RYR3: variants seen among roughly 807,000 people sequenced by gnomAD.
RYR3 encodes the protein brain ryanodine receptor-calcium release channel.
In RYR3, 207 loss-of-function variants were observed where a neutral mutation model predicts 584.3. The ratio of observed to expected loss-of-function variants is 0.35; its 90% CI spans 0.32 to 0.40. The LOEUF (loss-of-function observed/expected upper bound fraction) is 0.40. RYR3 is among the 10% of genes least tolerant of loss of function. The probability of loss-of-function intolerance (pLI) is 1.00; values close to 1 mark genes in which losing one functional copy is unlikely to be tolerated. For synonymous variants in RYR3, 2,416 were observed against 2,248.5 expected (o/e 1.07, Z -2.11); for missense variants, 5,616 against 6,089.2 (o/e 0.92, Z 2.59).
At chr15:33,523,948 T>C (rs1006774082) in intron 3 of RYR3, among the ~76,000 whole-genome samples, 12 of 152,132 alleles carry the variant, frequency 7.9e-5, no homozygotes, top group African/African-American at 2.7e-4. Flanking sequence ...TTAAAAGCAA[T>C]GATGCTAGAT....
chr15:33,604,525 A>G (rs1354041571), intron 18 of RYR3, among the ~76,000 whole-genome samples: 1 of 152,140 alleles, frequency 6.6e-6, no homozygotes, highest in Non-Finnish European at 1.5e-5. Context: ...TTGTATACTT[A>G]TTTATCCTGG....
At chr15:33,659,833 GC>G in intron 33 of RYR3, 27 bp downstream of exon 33, 1 of 1,453,196 alleles carries the variant, frequency 6.9e-7, no homozygotes, top group Non-Finnish European at 9.7e-7. Flanking sequence ...TCATCTAATG[GC>G]CATGACAAGA....
chr15:33,862,287 A>G (rs943036278), intron 102 of RYR3, among the ~76,000 whole-genome samples: 4 of 152,098 alleles, frequency 2.6e-5, no homozygotes, highest in Non-Finnish European at 5.9e-5. Flanking sequence ...ATCTTGGCTC[A>G]CTGCAACCTC....
intron 70 of RYR3, among the ~76,000 whole-genome samples, chr15:33,810,070 G>A (rs954636072): frequency 3.3e-5 from 5 of 152,148 alleles, no homozygotes; most frequent in African/African-American, 1.2e-4. Flanking sequence ...AAAACACAGA[G>A]CAATTATTCT....
At position 33,864,254 on chromosome 15, in the gene RYR3, G is replaced by C. The variant is rs187237654; in HGVS notation, c.14517+65G>C. 24 of 1,277,770 alleles carry C rather than the reference G, an allele frequency of 1.9e-5. No homozygotes were observed. The Admixed American group carries it at 4.8e-4, about 25-fold the overall frequency. The allele number at this position is 1,277,770 out of a possible 1,614,324, so 79.2% of individuals were successfully genotyped here. ...TTTCCTAAATCTTGAGACTTAGTAG[G>C]GCATAGGTTATCTGAAATACATACA... On this transcript the variant is annotated intron_variant, in intron 103 of 103. Coordinates refer to ENST00000634891, the MANE Select transcript of RYR3 (RefSeq NM_001036.6).
At chr15:33,814,943 G>A (rs2076735644) in intron 74 of RYR3, among the ~76,000 whole-genome samples, 1 of 148,662 alleles carries the variant, frequency 6.7e-6, no homozygotes, top group African/African-American at 2.5e-5. Context: ...GGTGGCAGGA[G>A]CCTATAATCC....
intron 94 of RYR3, chr15:33,852,688 G>A (rs1468737694): frequency 1.0e-5 from 2 of 198,790 alleles, no homozygotes; most frequent in Admixed American, 5.3e-5. Context: ...TGGAATGCCT[G>A]TGTTTTCTGT....
chr15:33,795,348 A>C (rs954231565), intron 67 of RYR3, among the ~76,000 whole-genome samples: 3 of 151,370 alleles, frequency 2.0e-5, no homozygotes, highest in African/African-American at 7.3e-5. Flanking sequence ...GGAGATAAAA[A>C]TCAAGAAGTA....
At chr15:33,518,651 G>T (rs1004932863) in intron 3 of RYR3, among the ~76,000 whole-genome samples, 1 of 152,218 alleles carries the variant, frequency 6.6e-6, no homozygotes, top group Non-Finnish European at 1.5e-5. Flanking sequence ...ATCAGATGGT[G>T]CTCGCTCTGT....
intron 5 of RYR3, 123 bp downstream of exon 5, chr15:33,533,512 T>A: frequency 1.6e-6 from 1 of 614,714 alleles, no homozygotes; most frequent in South Asian, 2.1e-5. Context: ...GAAATAGGTC[T>A]GAAAAAAAAT....
intron 16 of RYR3, among the ~76,000 whole-genome samples, chr15:33,586,451 C>T (rs1057358374): frequency 3.9e-5 from 6 of 151,974 alleles, no homozygotes; most frequent in Admixed American, 1.3e-4. Context: ...CCAGGAACTT[C>T]GTAGTGAAAC....
intron 3 of RYR3, among the ~76,000 whole-genome samples, chr15:33,509,776 T>A (rs1400481026): frequency 6.6e-6 from 1 of 152,188 alleles, no homozygotes; most frequent in Non-Finnish European, 1.5e-5. Flanking sequence ...CCTCAAGCTG[T>A]CCAAGAACAT....
rs184419623 is a variant in RYR3 at position 33,404,347 on chromosome 15, T to A, written c.52-69072T>A. Reference sequence around the variant, plus strand: ...TAAACATTCATCCCTTCTTACCAACTAAAAAATGGGCTTCAGAGCTGTTAA... The same window carrying A: ...TAAACATTCATCCCTTCTTACCAACAAAAAAATGGGCTTCAGAGCTGTTAA... On this transcript the variant is annotated intron_variant, in intron 1 of 103. Transcript: ENST00000634891. Among the ~76,000 whole-genome samples, 259 of 152,318 alleles carry A rather than the reference T, an allele frequency of 1.7e-3. 5 individuals carry two copies. The South Asian group carries it at 0.03, about 18-fold the overall frequency.
At chr15:33,531,814 A>ATCACCT (rs1567464673) in intron 4 of RYR3, among the ~76,000 whole-genome samples, 1 of 152,026 alleles carries the variant, frequency 6.6e-6, no homozygotes, top group Non-Finnish European at 1.5e-5. Context: ...CCCTGATAAT[A>ATCACCT]TCTGGAATTG....
chr15:33,746,039 G>A (rs1247460975), intron 52 of RYR3, 29 bp from the exon 53 acceptor site: 1 of 1,485,432 alleles, frequency 6.7e-7, no homozygotes, highest in African/African-American at 1.4e-5. Context: ...TGCGTGCCAA[G>A]GATATTTGAA....
chr15:33,435,038 T>C (rs2045539864), intron 1 of RYR3, among the ~76,000 whole-genome samples: 1 of 152,072 alleles, frequency 6.6e-6, no homozygotes, highest in African/African-American at 2.4e-5. Flanking sequence ...GCCAGGATGG[T>C]CTCAATCTCC....
intron 1 of RYR3, among the ~76,000 whole-genome samples, chr15:33,371,802 T>C (rs2040354000): frequency 6.6e-6 from 1 of 152,218 alleles, no homozygotes; most frequent in Admixed American, 6.5e-5. Flanking sequence ...GCACATCCTG[T>C]ATCCTAGATA....
In RYR3 at chr15:33,834,951, T is replaced by TGTC. The variant is rs1404570517; in HGVS notation, c.11464-16_11464-14dup. ...TTGTGATGTTTAAGTGACATAAGAA[T>TGTC]GTCCTCTTCTCTGCAGGGCCCTTGC... On this transcript the variant is annotated splice_polypyrimidine_tract_variant and intron_variant, in intron 86 of 103. Transcript: ENST00000634891. 1.9e-6 allele frequency: 3 copies of TGTC among 1,607,182 alleles called. No individual in the cohort carries two copies. The South Asian group carries it at 3.3e-5, about 18-fold the overall frequency.
intron 36 of RYR3, among the ~76,000 whole-genome samples, chr15:33,666,653 C>G (rs925157222): frequency 6.6e-6 from 1 of 152,122 alleles, no homozygotes; most frequent in Non-Finnish European, 1.5e-5. Flanking sequence ...GAAGAGAAAA[C>G]AGATTTTTAA....
Sources: allele counts gnomAD v4.1 joint callset (sites outside exome capture counted in the v4.1 genomes callset), GRCh38; gene constraint gnomAD v4.1.1; transcripts MANE v1.5; gene names NCBI Gene and HGNC (gene_info 2026-07-23, HGNC 2026-07-21).